SNX2: variants seen among roughly 807,000 people sequenced by gnomAD.
SNX2 encodes sorting nexin 2, also known as sorting nexin-2.
In SNX2, 25 loss-of-function variants were observed where a neutral mutation model predicts 69.9. The ratio of observed to expected loss-of-function variants is 0.36; its 90% confidence interval spans 0.26 to 0.50. The LOEUF (loss-of-function observed/expected upper bound fraction) is 0.50. Among genes scored for constraint, SNX2 ranks in the 20% least tolerant of loss-of-function variants. The pLI is 0.97. For synonymous variants in SNX2, 229 were observed against 200.4 expected (o/e 1.14, Z -1.20); for missense variants, 551 against 613.3 (o/e 0.90, Z 1.07).
At chr5:122,806,136 G>A (rs868131641) in intron 6 of SNX2, among the ~76,000 whole-genome samples, 117 of 19,156 alleles carry the variant, frequency 6.1e-3, no homozygotes, top group African/African-American at 0.016. Flanking sequence ...ATATACACAC[G>A]CGCGCGCACA....
chr5:122,783,315 A>G (rs772995702), intron 1 of SNX2, among the ~76,000 whole-genome samples: 39 of 152,132 alleles, frequency 2.6e-4, no homozygotes, highest in South Asian at 1.9e-3. Flanking sequence ...CATTTAAAGG[A>G]AAGCTATCTT....
intron 1 of SNX2, among the ~76,000 whole-genome samples, chr5:122,786,766 C>T (rs1327925465): frequency 6.6e-6 from 1 of 151,872 alleles, no homozygotes; most frequent in Non-Finnish European, 1.5e-5. Context: ...AGTCGGCCTG[C>T]TATTTTTTAT....
At chr5:122,821,043 T>TA (rs1194013272) in intron 11 of SNX2, among the ~76,000 whole-genome samples, 1 of 152,236 alleles carries the variant, frequency 6.6e-6, no homozygotes, top group Non-Finnish European at 1.5e-5. Flanking sequence ...TACTGAAACC[T>TA]AGCCCAGATC....
At chr5:122,818,739 G>C in intron 10 of SNX2, 79 bp from the exon 11 acceptor site, 1 of 1,184,990 alleles carries the variant, frequency 8.4e-7, no homozygotes, top group Non-Finnish European at 1.2e-6. Flanking sequence ...AAAATTTAGA[G>C]AAAAGTGGAA....
At chr5:122,817,820 C>T (rs1288777646) in intron 10 of SNX2, among the ~76,000 whole-genome samples, 1 of 151,950 alleles carries the variant, frequency 6.6e-6, no homozygotes, top group Non-Finnish European at 1.5e-5. Flanking sequence ...GTGTCTATTT[C>T]CTGTAAAACC....
rs769816300 is a variant in SNX2, at chr5:122,775,190, C to T, written c.87C>T (p.Thr29=). ...TGGAGGACGGAGAGGACCTGTTCACCAGCACTGTCTCCACCCTAGAGGTGA... is the reference window on the plus strand; with the variant it reads ...TGGAGGACGGAGAGGACCTGTTCACTAGCACTGTCTCCACCCTAGAGGTGA... ...EDLEDGEDLF[T]STVSTLESSP... Residue 29 remains threonine, a synonymous_variant, in exon 1 of 15, where the codon ACC becomes ACT. Transcript: ENST00000379516. 1.5e-5 allele frequency: 24 copies of T among 1,588,724 alleles called. No homozygotes were observed. The highest frequency in any genetic ancestry group is 2.0e-5 in the Non-Finnish European group (23 of 1,169,162).
Position 122,826,184 on chromosome 5 carries a change from A to G in SNX2, c.1347A>G (p.Glu449=), listed in dbSNP as rs1754145666. The change falls in exon 12 of 15, where the codon GAA becomes GAG. Residue 449 remains glutamate (E), a synonymous_variant. Transcript: ENST00000379516. ...ATAAAATACAGCAAGCTAAAAATGA[A>G]ATAAGAGAGGTGATTACTAAATGCT... ...KPDKIQQAKN[E]IREWEAKVQQ... is the part of the protein sequence containing the mutation. 1 of 1,611,534 alleles carries G rather than the reference A, an allele frequency of 6.2e-7. No individual in the cohort carries two copies. Among genetic ancestry groups the G allele is most frequent in the Middle Eastern group, 1.7e-4 (1 of 5,966 alleles).
chr5:122,820,557 C>T (rs1754000954), intron 11 of SNX2, among the ~76,000 whole-genome samples: 1 of 151,744 alleles, frequency 6.6e-6, no homozygotes, highest in African/African-American at 2.4e-5. Context: ...GAATACGTAT[C>T]TGCTAATAAG....
Position 122,830,412 on chromosome 5 carries a change from T to C in SNX2, c.*764T>C, listed in dbSNP as rs931431130. On this transcript the variant is annotated 3_prime_UTR_variant, in exon 15 of 15. Transcript: ENST00000379516. ...AAGAATTAGGAAAAAAATGTATTTA[T>C]ATACTTTTACAAGTCCCATGGATTT... Among the ~76,000 whole-genome samples, 11 of 152,218 alleles carry C rather than the reference T, an allele frequency of 7.2e-5. No homozygotes were observed. The highest frequency in any genetic ancestry group is 7.2e-4 in the Admixed American group (11 of 15,274).
At chr5:122,800,271 T>G (rs903858712) in intron 3 of SNX2, among the ~76,000 whole-genome samples, 1 of 152,166 alleles carries the variant, frequency 6.6e-6, no homozygotes, top group African/African-American at 2.4e-5. Flanking sequence ...AAAGGTACAT[T>G]CTCATGATTT....
intron 11 of SNX2, among the ~76,000 whole-genome samples, chr5:122,821,305 A>G (rs571070846): frequency 6.6e-6 from 1 of 152,040 alleles, no homozygotes; most frequent in Non-Finnish European, 1.5e-5. Context: ...ACATGAAGCT[A>G]ATTCTCCCTC....
intron 14 of SNX2, 47 bp from the exon 15 acceptor site, chr5:122,829,551 G>C: frequency 6.7e-7 from 1 of 1,489,620 alleles, no homozygotes; most frequent in Non-Finnish European, 9.3e-7. Flanking sequence ...GCATATAAAT[G>C]ACAAAAAGGT....
At chr5:122,814,251 A>G (rs550467480) in intron 7 of SNX2, among the ~76,000 whole-genome samples, 2 of 152,324 alleles carry the variant, frequency 1.3e-5, no homozygotes, top group African/African-American at 4.8e-5. Flanking sequence ...TTGTGAGAGA[A>G]CTTCAGTGTT....
chr5:122,827,628 A>G lies in SNX2; in HGVS notation c.1491A>G (p.Leu497=), dbSNP rs1363789140. 6 of 1,612,556 alleles carry G rather than the reference A, an allele frequency of 3.7e-6. No homozygotes were observed. In the African/African-American group the frequency reaches 4.0e-5, roughly 11 times the overall value. ...KTVIIKYLES[L]VQTQQQLIKY... is the part of the protein sequence containing the mutation. Reference sequence around the variant, plus strand: ...TTATCATCAAGTACTTAGAATCACTAGTTCAAACACAACAACAGGTAAGCC... The same window carrying G: ...TTATCATCAAGTACTTAGAATCACTGGTTCAAACACAACAACAGGTAAGCC... The change falls in exon 14 of 15, where the codon CTA becomes CTG. Residue 497 remains leucine (L), a synonymous_variant. Coordinates refer to ENST00000379516, the MANE Select transcript of SNX2 (RefSeq NM_003100.4).
chr5:122,778,297 T>C (rs1042531111), intron 1 of SNX2, among the ~76,000 whole-genome samples: 14 of 152,216 alleles, frequency 9.2e-5, no homozygotes, highest in Admixed American at 5.9e-4. Context: ...GGCACAGATA[T>C]CGCCAACATA....
chr5:122,783,298 A>G (rs1753016643), intron 1 of SNX2, among the ~76,000 whole-genome samples: 1 of 152,104 alleles, frequency 6.6e-6, no homozygotes, highest in Non-Finnish European at 1.5e-5. Flanking sequence ...CAGATGTTTA[A>G]CATTAACATT....
intron 1 of SNX2, among the ~76,000 whole-genome samples, chr5:122,780,644 A>G (rs1752960383): frequency 6.8e-6 from 1 of 147,290 alleles, no homozygotes; most frequent in South Asian, 2.1e-4. Context: ...ACCTCAGCTC[A>G]CTGCAGCCTC....
At chr5:122,793,452 A>G (rs1424849688) in intron 1 of SNX2, among the ~76,000 whole-genome samples, 1 of 152,210 alleles carries the variant, frequency 6.6e-6, no homozygotes, top group Non-Finnish European at 1.5e-5. Flanking sequence ...CCGCATGGTA[A>G]AGAATGGGAG....
In SNX2 at chr5:122,833,486, A is replaced by C. The variant is rs1328622077; in HGVS notation, c.*3838A>C. ...TTTTAATATGTAATCCAATATATTG[A>C]AGTTATAAGATATTTTACATTCTTT... On this transcript the variant is annotated 3_prime_UTR_variant, in exon 15 of 15. Transcript: ENST00000379516. 1.3e-5 allele frequency: 2 copies of C among 152,050 alleles called. No individual in the cohort carries two copies. The highest frequency in any genetic ancestry group is 2.9e-5 in the Non-Finnish European group (2 of 68,020). The allele number at this position is 152,050 out of a possible 1,614,324, so 9.4% of individuals were successfully genotyped here.
Sources: gnomAD v4.1 joint callset for allele counts (sites outside exome capture counted in the v4.1 genomes callset) on GRCh38, gnomAD v4.1.1 for gene constraint, MANE v1.5 for transcripts, NCBI Gene and HGNC (gene_info 2026-07-23, HGNC 2026-07-21) for gene names.